The following ESPN variants were observed in gnomAD, a reference collection of about 807,000 sequenced individuals.
The protein encoded by ESPN is espin.
ESPN carries 68 observed loss-of-function variants against 77.7 expected under a neutral mutation model. The observed-to-expected ratio is 0.87, with a 90% confidence interval of 0.72 to 1.07. The LOEUF (loss-of-function observed/expected upper bound fraction) is 1.07, where lower values mean the gene tolerates loss of function less well. ESPN is among the 50% of genes least tolerant of loss of function. The probability of loss-of-function intolerance (pLI) is 0.00; values close to 1 mark genes in which losing one functional copy is unlikely to be tolerated. For synonymous variants in ESPN, 449 were observed against 567.1 expected, an observed-to-expected ratio of 0.79 and a Z score of 2.96; for missense variants, 1,060 against 1,239.0, an observed-to-expected ratio of 0.86 and a Z score of 2.17.
At chr1:6,449,345 T>C (rs1426347000) in intron 8 of ESPN, among the ~76,000 whole-genome samples, 1 of 152,036 alleles carries the variant, frequency 6.6e-6, no homozygotes, top group Non-Finnish European at 1.5e-5. Context: ...TCCCACCCCC[T>C]AGCTGTGTGG....
chr1:6,431,300 A>C (rs1643236598), intron 2 of ESPN, among the ~76,000 whole-genome samples: 1 of 152,114 alleles, frequency 6.6e-6, no homozygotes, highest in African/African-American at 2.4e-5. Flanking sequence ...ACCAGACTAG[A>C]CTGGAATGGG....
intron 5 of ESPN, among the ~76,000 whole-genome samples, chr1:6,442,515 A>G (rs1419988728): frequency 2.0e-5 from 3 of 151,020 alleles, no homozygotes; most frequent in Non-Finnish European, 4.4e-5. Context: ...CGGAGGTTGC[A>G]GTAAGCCAAG....
At chr1:6,442,509 G>A (rs940570134) in intron 5 of ESPN, among the ~76,000 whole-genome samples, 1 of 151,334 alleles carries the variant, frequency 6.6e-6, no homozygotes, top group African/African-American at 2.4e-5. Context: ...AGGAGACGGA[G>A]GTTGCAGTAA....
At chr1:6,446,674 G>A (rs1266353481) in intron 7 of ESPN, among the ~76,000 whole-genome samples, 3 of 152,168 alleles carry the variant, frequency 2.0e-5, no homozygotes, top group African/African-American at 7.2e-5. Flanking sequence ...CGGGCAGGGT[G>A]CCCTGGGGAA....
chr1:6,436,612 C>G (rs1643446087), intron 2 of ESPN, among the ~76,000 whole-genome samples: 1 of 151,920 alleles, frequency 6.6e-6, no homozygotes, highest in Non-Finnish European at 1.5e-5. Context: ...TCAAGTGATC[C>G]TACCTCCTCA....
Position 6,451,360 on chromosome 1 carries a change from C to T in ESPN, c.1916-243C>T. The T allele has an allele frequency of 1.7e-6, 1 of 585,172 alleles. No individual in the cohort carries two copies. Among genetic ancestry groups the T allele is most frequent in the Non-Finnish European group, 3.0e-6 (1 of 329,542 alleles). 36.2% of individuals were successfully genotyped at this position (585,172 alleles called of 1,614,324 possible). ...ACTCCCAGGGGCCTCCAGGCAGGGG[C>T]CCTCCATCCCGTGAGTAGGGTGGGG... is the stretch of plus-strand genomic sequence containing the variant. On this transcript the variant is annotated intron_variant, in intron 8 of 12. Coordinates refer to ENST00000645284, the MANE Select transcript of ESPN (RefSeq NM_031475.3). The surrounding 1 kb of genome is among the most constrained non-coding windows in gnomAD (Gnocchi z 4.3).
rs1472543725 is a variant in ESPN, at chr1:6,451,457, C to T, written c.1916-146C>T. The T allele has an allele frequency of 9.5e-6, 11 of 1,161,020 alleles. No homozygotes were observed. In the African/African-American group the frequency reaches 1.7e-4, roughly 18 times the overall value. 71.9% of individuals were successfully genotyped at this position (1,161,020 alleles called of 1,614,324 possible). On this transcript the variant is annotated intron_variant, in intron 8 of 12. Coordinates refer to ENST00000645284, the MANE Select transcript of ESPN (RefSeq NM_031475.3). This position sits in a 1 kb window ranked among gnomAD's most constrained non-coding sequence, Gnocchi z 4.3. Reference sequence around the variant, plus strand: ...GGGGCCCTGAAACCTGCCTGCAGGACCTGGGATCTGGAGAGCTGCCCGCTG... The same window carrying T: ...GGGGCCCTGAAACCTGCCTGCAGGATCTGGGATCTGGAGAGCTGCCCGCTG...
At chr1:6,456,066 G>C (rs1644052580) in intron 10 of ESPN, 1 of 393,844 alleles carries the variant, frequency 2.5e-6, no homozygotes, top group Non-Finnish European at 4.5e-6. Flanking sequence ...TCCTGGTTCC[G>C]AAGCCCCCGC....
chr1:6,424,835 C>G lies in ESPN; in HGVS notation c.-121C>G, dbSNP rs1224952082. The stretch of plus-strand genomic sequence containing the variant: ...AGCGGAGGCCAGGCCCACAGCCGCT[C>G]CGCCTCCCGGCCCGCAGATCCCCGA... On this transcript the variant is annotated 5_prime_UTR_variant, in exon 1 of 13. Transcript: ENST00000645284. 1 of 1,052,346 alleles carries G rather than the reference C, an allele frequency of 9.5e-7. No individual in the cohort carries two copies. The highest frequency in any genetic ancestry group is 1.2e-6 in the Non-Finnish European group (1 of 815,424). The allele number at this position is 1,052,346 out of a possible 1,614,324, so 65.2% of individuals were successfully genotyped here.
chr1:6,449,004 G>C lies in ESPN; in HGVS notation c.1828G>C (p.Ala610Pro), dbSNP rs546618638. The C allele has an allele frequency of 1.4e-5, 21 of 1,456,608 alleles. No homozygotes were observed. The East Asian group carries it at 3.6e-4, about 25-fold the overall frequency. The allele number at this position is 1,456,608 out of a possible 1,614,324, so 90.2% of individuals were successfully genotyped here. A position where few individuals can be genotyped will look rare whatever the true frequency, so the allele number is the denominator to read the frequency against. Reference protein sequence around the residue: ...PPPPPPLPEAASSPPPAPPLP... With the variant: ...PPPPPPLPEAPSSPPPAPPLP... The stretch of plus-strand genomic sequence containing the variant: ...GCCGCCGCCGCCCCTGCCGGAGGCC[G>C]CGAGTTCGCCACCGCCGGCCCCGCC... The change falls in exon 8 of 13, where the codon GCG becomes CCG. Residue 610 changes from alanine (A) to proline (P), a missense_variant. Physicochemically the swap from Ala to Pro is conservative, Grantham distance 27. Transcript: ENST00000645284.
At position 6,428,385 on chromosome 1, in the gene ESPN, C is replaced by T; in HGVS notation, c.454C>T (p.Pro152Ser). ...CTACGCTGCCGCCAAAGGAGACTTCCCCTCCCTGAGGCTTCTCGTCGAGCA... is the reference window on the plus strand; with the variant it reads ...CTACGCTGCCGCCAAAGGAGACTTCTCCTCCCTGAGGCTTCTCGTCGAGCA... ...IHYAAAKGDFPSLRLLVEHYP... is the reference protein window; with the variant it reads ...IHYAAAKGDFSSLRLLVEHYP... Residue 152 changes from proline (P) to serine (S), a missense_variant, in exon 2 of 13, where the codon CCC becomes TCC. By Grantham distance (74) the Pro-to-Ser change is moderately conservative. Transcript: ENST00000645284. This position sits in a 1 kb window ranked among gnomAD's most constrained non-coding sequence, Gnocchi z 5.4. 6.2e-7 allele frequency: 1 copy of T among 1,612,828 alleles called. No individual in the cohort carries two copies. The highest frequency in any genetic ancestry group is 8.5e-7 in the Non-Finnish European group (1 of 1,179,558).
Position 6,452,101 on chromosome 1 carries a change from G to C in ESPN, c.2325+5G>C, listed in dbSNP as rs1465030967. 6.5e-7 allele frequency: 1 copy of C among 1,534,884 alleles called. No individual in the cohort carries two copies. Among genetic ancestry groups the C allele is most frequent in the Admixed American group, 2.0e-5 (1 of 50,986 alleles). ...GAGGAGGAGCAGAGGCGGAAGGTGG[G>C]TGGGGCGGGGTGCCCAGGGAGCCCT... On this transcript the variant is annotated splice_donor_5th_base_variant and intron_variant, in intron 10 of 12. Coordinates refer to ENST00000645284, the MANE Select transcript of ESPN (RefSeq NM_031475.3).
rs1643568446 is a variant in ESPN, at chr1:6,440,194, A to T, written c.489-60A>T. ...TCCCCGGGACGGGATGGGGGCGGGT[A>T]AGAAGGCCTCGGAGGGGGTGAGGCG... On this transcript the variant is annotated intron_variant, in intron 2 of 12. Coordinates refer to ENST00000645284, the MANE Select transcript of ESPN (RefSeq NM_031475.3). The T allele has an allele frequency of 2.6e-5, 39 of 1,504,210 alleles. 1 individual carries two copies. In the South Asian group the frequency reaches 3.9e-4, roughly 15 times the overall value. 93.2% of individuals were successfully genotyped at this position (1,504,210 alleles called of 1,614,324 possible).
chr1:6,445,059 C>G (rs1464506842), intron 6 of ESPN, among the ~76,000 whole-genome samples: 1 of 151,078 alleles, frequency 6.6e-6, no homozygotes, highest in Non-Finnish European at 1.5e-5. Context: ...TACACACAAG[C>G]AAGCACACAG....
Position 6,460,466 on chromosome 1 carries a change from GGGT to G in ESPN, c.*325_*327del, listed in dbSNP as rs1172839144. On this transcript the variant is annotated 3_prime_UTR_variant, in exon 13 of 13. Coordinates refer to ENST00000645284, the MANE Select transcript of ESPN (RefSeq NM_031475.3). The stretch of plus-strand genomic sequence containing the variant: ...AGTGCAGAGCTCTCCCCAGCCCCGT[GGGT>G]GGTGACTTTGTTTTCCTGCGGGGCT... The G allele has an allele frequency of 4.4e-6, 1 of 227,922 alleles. No homozygotes were observed. The highest frequency in any genetic ancestry group is 8.7e-6 in the Non-Finnish European group (1 of 115,234). The allele number at this position is 227,922 out of a possible 1,614,324, so 14.1% of individuals were successfully genotyped here.
chr1:6,437,582 A>G lies in ESPN; in HGVS notation c.489-2672A>G, dbSNP rs1643482410. 6.6e-6 allele frequency: 1 copy of G among 152,246 alleles called. No homozygotes were observed. The highest frequency in any genetic ancestry group is 2.4e-5 in the African/African-American group (1 of 41,450). The allele number at this position is 152,246 out of a possible 1,614,324, so 9.4% of individuals were successfully genotyped here. A position where few individuals can be genotyped will look rare whatever the true frequency, so the allele number is the denominator to read the frequency against. On this transcript the variant is annotated intron_variant, in intron 2 of 12. Transcript: ENST00000645284. The surrounding 1 kb of genome is among the most constrained non-coding windows in gnomAD (Gnocchi z 4.5). ...CACGAGCCAGCATGTTTCTGAAGATAGATACGTAGCTGTGTCTTCTGTCTC... is the reference window on the plus strand; with the variant it reads ...CACGAGCCAGCATGTTTCTGAAGATGGATACGTAGCTGTGTCTTCTGTCTC...
At chr1:6,441,956 T>C (rs1293535101) in intron 5 of ESPN, among the ~76,000 whole-genome samples, 2 of 152,172 alleles carry the variant, frequency 1.3e-5, no homozygotes, top group African/African-American at 4.8e-5. Context: ...GAGGATGAAC[T>C]TCCCCCCGCG....
chr1:6,449,134 T>C, intron 8 of ESPN, 43 bp downstream of exon 8: 2 of 1,433,224 alleles, frequency 1.4e-6, no homozygotes, highest in Admixed American at 2.7e-5. Flanking sequence ...GCGCTAGCCC[T>C]GAAAGGGGAG....
chr1:6,457,424 A>G, intron 12 of ESPN, 52 bp downstream of exon 12: 1 of 1,613,782 alleles, frequency 6.2e-7, no homozygotes, highest in South Asian at 1.1e-5. Context: ...CCCAAGTCGC[A>G]GAGGGTCGTC....
Sources: allele counts gnomAD v4.1 joint callset (sites outside exome capture counted in the v4.1 genomes callset), GRCh38; gene constraint gnomAD v4.1.1; non-coding constraint Gnocchi (gnomAD v3.1); transcripts MANE v1.5; gene names NCBI Gene and HGNC (gene_info 2026-07-23, HGNC 2026-07-21).